The following TBC1D22A variants were observed in gnomAD, a reference collection of about 807,000 sequenced individuals.
TBC1D22A encodes putative GTPase activator.
TBC1D22A carries 38 observed loss-of-function variants against 60.2 expected under a neutral mutation model. The ratio of observed to expected loss-of-function variants is 0.63; its 90% CI spans 0.49 to 0.83. The LOEUF (loss-of-function observed/expected upper bound fraction) is 0.83, where lower values mean the gene tolerates loss of function less well. Among genes scored for constraint, TBC1D22A ranks in the 40% least tolerant of loss-of-function variants. The pLI, the probability that TBC1D22A is intolerant of heterozygous loss-of-function variation, is 0.00. For synonymous variants in TBC1D22A, 302 were observed against 281.7 expected (o/e 1.07, Z -0.72); for missense variants, 628 against 701.0 (o/e 0.90, Z 1.18).
chr22:46,840,756 A>G (rs546321911), intron 4 of TBC1D22A, among the ~76,000 whole-genome samples: 1 of 152,052 alleles, frequency 6.6e-6, no homozygotes, highest in Admixed American at 6.5e-5. Context: ...AAGACAAATG[A>G]TAACAAGCAT....
chr22:47,113,988 C>G (rs890221687), intron 12 of TBC1D22A, among the ~76,000 whole-genome samples: 8 of 152,154 alleles, frequency 5.3e-5, no homozygotes, highest in Admixed American at 3.9e-4. Context: ...AGACTTGGAC[C>G]AAGAAACGGA....
chr22:46,967,071 G>A (rs748216013), intron 8 of TBC1D22A, among the ~76,000 whole-genome samples: 3 of 152,156 alleles, frequency 2.0e-5, no homozygotes, highest in Non-Finnish European at 2.9e-5. Context: ...CCGTATGCCC[G>A]CACTTGTGGG....
Position 46,812,117 on chromosome 22 carries a change from T to C in TBC1D22A, c.637+14497T>C, listed in dbSNP as rs139807768. Reference sequence around the variant, plus strand: ...TGTGCTTTGGGGAGGTTAATCGGGCTTCTGGTGCTTTGTGATTATCCTGCT... The same window carrying C: ...TGTGCTTTGGGGAGGTTAATCGGGCCTCTGGTGCTTTGTGATTATCCTGCT... On this transcript the variant is annotated intron_variant, in intron 4 of 12. Transcript: ENST00000337137. Among the ~76,000 whole-genome samples, 229 of 152,242 alleles carry C rather than the reference T, an allele frequency of 1.5e-3. 1 individual carries two copies. The highest frequency in any genetic ancestry group is 5.2e-3 in the African/African-American group (216 of 41,556).
chr22:47,050,688 T>C (rs1799190909), intron 11 of TBC1D22A, among the ~76,000 whole-genome samples: 1 of 137,542 alleles, frequency 7.3e-6, no homozygotes, highest in Admixed American at 7.4e-5. Context: ...CAGGGATGGG[T>C]GGGGCCCGGA....
At chr22:46,815,225 T>G (rs879402280) in intron 4 of TBC1D22A, among the ~76,000 whole-genome samples, 8 of 152,238 alleles carry the variant, frequency 5.3e-5, no homozygotes, top group Non-Finnish European at 1.0e-4. Context: ...TTCCATGGCG[T>G]GAGCCCTGGG....
At chr22:46,815,284 C>T (rs1569078355) in intron 4 of TBC1D22A, among the ~76,000 whole-genome samples, 1 of 152,220 alleles carries the variant, frequency 6.6e-6, no homozygotes, top group Non-Finnish European at 1.5e-5. Context: ...CTTGTTCACT[C>T]GTGTTGTCTT....
Position 46,974,339 on chromosome 22 carries a change from G to A in TBC1D22A, c.1065G>A (p.Val355=), listed in dbSNP as rs2074202473. ...TVDVSGVPAE[V]LCNIEADTYW... ...ACGTCTCCGGCGTGCCCGCAGAGGT[G>A]CTGTGCAACATCGAGGCCGACACCT... The change falls in exon 9 of 13, where the codon GTG becomes GTA. Residue 355 remains valine (V), a synonymous_variant. Coordinates refer to ENST00000337137, the MANE Select transcript of TBC1D22A (RefSeq NM_014346.5). The A allele has an allele frequency of 1.2e-6, 2 of 1,610,440 alleles. No homozygotes were observed. The highest frequency in any genetic ancestry group is 1.7e-6 in the Non-Finnish European group (2 of 1,178,588).
intron 12 of TBC1D22A, among the ~76,000 whole-genome samples, chr22:47,153,898 G>T (rs936127585): frequency 6.6e-6 from 1 of 152,162 alleles, no homozygotes; most frequent in Non-Finnish European, 1.5e-5. Context: ...GAGGCGGGGA[G>T]TGGACAGAGC....
intron 9 of TBC1D22A, among the ~76,000 whole-genome samples, chr22:46,991,491 C>G (rs1488199161): frequency 6.6e-6 from 1 of 152,172 alleles, no homozygotes; most frequent in Non-Finnish European, 1.5e-5. Flanking sequence ...AATGGCAAGT[C>G]CTACGTTCAG....
chr22:46,875,273 G>A (rs1372817179), intron 4 of TBC1D22A, among the ~76,000 whole-genome samples: 1 of 152,122 alleles, frequency 6.6e-6, no homozygotes, highest in Non-Finnish European at 1.5e-5. Flanking sequence ...CACATTCTGA[G>A]CAAAATAAAT....
chr22:46,839,577 CA>C (rs2086664629), intron 4 of TBC1D22A, among the ~76,000 whole-genome samples: 1 of 152,096 alleles, frequency 6.6e-6, no homozygotes, highest in African/African-American at 2.4e-5. Context: ...ACATGTTTTG[CA>C]AAAAGAAGAA....
intron 8 of TBC1D22A, among the ~76,000 whole-genome samples, chr22:46,964,675 T>TA (rs1316273227): frequency 1.3e-5 from 2 of 152,254 alleles, no homozygotes; most frequent in Non-Finnish European, 2.9e-5. Context: ...TTTGGATAGT[T>TA]ACAATGTAAG....
intron 1 of TBC1D22A, among the ~76,000 whole-genome samples, chr22:46,791,313 G>A (rs368402976): frequency 6.6e-6 from 1 of 152,186 alleles, no homozygotes; most frequent in African/African-American, 2.4e-5. Context: ...AACAAACAGA[G>A]ATTCGTTTAT....
At chr22:46,913,713 C>CTG in intron 8 of TBC1D22A, 1 of 985,334 alleles carries the variant, frequency 1.0e-6, no homozygotes, top group Non-Finnish European at 1.2e-6. Context: ...AGAAGTTCAA[C>CTG]TGAGATGTGA....
At chr22:46,944,775 A>T (rs2072425349) in intron 8 of TBC1D22A, among the ~76,000 whole-genome samples, 1 of 152,192 alleles carries the variant, frequency 6.6e-6, no homozygotes, top group African/African-American at 2.4e-5. Flanking sequence ...AATTGGTCTC[A>T]CATTTTATAC....
At chr22:47,034,933 G>A (rs1432926142) in intron 10 of TBC1D22A, among the ~76,000 whole-genome samples, 2 of 152,168 alleles carry the variant, frequency 1.3e-5, no homozygotes, top group East Asian at 3.9e-4. Context: ...CTCTGGCACT[G>A]ATGCGTCAGG....
chr22:46,824,431 C>T (rs1477577669), intron 4 of TBC1D22A, among the ~76,000 whole-genome samples: 1 of 152,070 alleles, frequency 6.6e-6, no homozygotes, highest in Non-Finnish European at 1.5e-5. Flanking sequence ...GGTCCTTCTC[C>T]AAGAAGGCCG....
At chr22:47,086,698 T>G (rs1027450301) in intron 11 of TBC1D22A, among the ~76,000 whole-genome samples, 5 of 152,268 alleles carry the variant, frequency 3.3e-5, no homozygotes, top group Middle Eastern at 6.8e-3. Flanking sequence ...ATGGGGACTT[T>G]CCTCGTACGG....
chr22:46,990,937 C>T lies in TBC1D22A; in HGVS notation c.1126-6697C>T, dbSNP rs554169988. 2.0e-5 allele frequency among the ~76,000 whole-genome samples: 3 copies of T among 152,306 alleles called. No homozygotes were observed. Among genetic ancestry groups the T allele is most frequent in the South Asian group, 4.1e-4 (2 of 4,824 alleles). On this transcript the variant is annotated intron_variant, in intron 9 of 12. Coordinates refer to ENST00000337137, the MANE Select transcript of TBC1D22A (RefSeq NM_014346.5). The surrounding 1 kb of genome is among the most constrained non-coding windows in gnomAD (Gnocchi z 4.6). ...CGTGTCTGAAGACAAGGGACAGTCACGTTTCCAGTGGTTTACAGAGGCACT... is the reference window on the plus strand; with the variant it reads ...CGTGTCTGAAGACAAGGGACAGTCATGTTTCCAGTGGTTTACAGAGGCACT...
Sources: gnomAD v4.1 joint callset for allele counts (sites outside exome capture counted in the v4.1 genomes callset) on GRCh38, gnomAD v4.1.1 for gene constraint, Gnocchi (gnomAD v3.1) non-coding constraint, MANE v1.5 for transcripts, NCBI Gene and HGNC (gene_info 2026-07-23, HGNC 2026-07-21) for gene names.